The following MGA variants were observed in gnomAD, a reference collection of about 807,000 sequenced individuals.
MGA encodes MAX gene-associated protein.
Under a neutral mutation model 261.1 loss-of-function variants are expected in MGA, and 40 were observed. The observed-to-expected ratio is 0.15, with a 90% confidence interval of 0.12 to 0.20. The LOEUF is 0.20. Ranked by LOEUF, MGA falls within the 10% of genes least tolerant of loss-of-function variation. MGA has a pLI of 1.00. For synonymous variants in MGA, 1,302 were observed against 1,290.6 expected (o/e 1.01, Z -0.19); for missense variants, 3,397 against 3,630.5 (o/e 0.94, Z 1.65).
intron 12 of MGA, among the ~76,000 whole-genome samples, chr15:41,735,741 A>AG (rs2061743979): frequency 6.6e-6 from 1 of 152,214 alleles, no homozygotes; most frequent in Non-Finnish European, 1.5e-5. Flanking sequence ...TCAAAAAAAA[A>AG]AAAAAATCAG....
rs372725758 is a variant in MGA, at chr15:41,708,332, G to A, written c.2425+124G>A. On this transcript the variant is annotated intron_variant, in intron 7 of 23. Transcript: ENST00000219905. The stretch of plus-strand genomic sequence containing the variant: ...CCATGGGTTTTTTGTTGTTGTTGTT[G>A]TTGAGACTGAGTTTTGCTCTTGTTG... 23 of 747,670 alleles carry A rather than the reference G, an allele frequency of 3.1e-5. No homozygotes were observed. In the African/African-American group the frequency reaches 3.4e-4, roughly 11 times the overall value. 46.3% of individuals were successfully genotyped at this position (747,670 alleles called of 1,614,324 possible). A position where few individuals can be genotyped will look rare whatever the true frequency, so the allele number is the denominator to read the frequency against.
At position 41,766,384 on chromosome 15, in the gene MGA, G is replaced by A. The variant is rs749386304; in HGVS notation, c.8302G>A (p.Val2768Met). The A allele has an allele frequency of 3.7e-6, 6 of 1,613,878 alleles. No homozygotes were observed. The East Asian group carries it at 1.1e-4, about 30-fold the overall frequency. ...AGAGAGTGAATCAAGAGGGGAGAGA[G>A]TGAAGTCAAAGGATTCTTCATTTCA... is the stretch of plus-strand genomic sequence containing the variant. Residue 2768 changes from valine to methionine, a missense_variant, in exon 24 of 24, where the codon GTG (valine) becomes ATG (methionine). Transcript: ENST00000219905.
At chr15:41,679,015 A>G (rs7178205) in intron 2 of MGA, among the ~76,000 whole-genome samples, 119,158 of 152,144 alleles carry the variant, frequency 0.78, 47,184 homozygotes, top group East Asian at 0.89. Flanking sequence ...TGCTATTTAA[A>G]GCCCCTTGAG....
chr15:41,721,702 A>G (rs1173312377), intron 9 of MGA, among the ~76,000 whole-genome samples: 1 of 152,208 alleles, frequency 6.6e-6, no homozygotes, highest in Non-Finnish European at 1.5e-5. Context: ...AGCCTCTACT[A>G]ATACCAACTA....
chr15:41,681,414 T>TA (rs1555410751), intron 2 of MGA, among the ~76,000 whole-genome samples: 61 of 151,658 alleles, frequency 4.0e-4, no homozygotes, highest in Non-Finnish European at 6.9e-4. Flanking sequence ...TTTTTTTTTT[T>TA]AATTCTGTTA....
At position 41,736,429 on chromosome 15, in the gene MGA, C is replaced by A. The variant is rs2061779522; in HGVS notation, c.4165C>A (p.Pro1389Thr). 4 of 1,613,902 alleles carry A rather than the reference C, an allele frequency of 2.5e-6. No individual in the cohort carries two copies. In the African/African-American group the frequency reaches 5.3e-5, roughly 22 times the overall value. ...AAAGAGCCGGGGTGAGAAGAACCCT[C>A]CTGTTTATTCTTCTCGTGTGAAAAT... Residue 1389 changes from proline to threonine, a missense_variant, in exon 13 of 24, where the codon CCT (proline) becomes ACT (threonine). By Grantham distance (38) the Pro-to-Thr change is conservative. Transcript: ENST00000219905.
At chr15:41,675,630 G>C (rs1259005684) in intron 2 of MGA, among the ~76,000 whole-genome samples, 2 of 152,164 alleles carry the variant, frequency 1.3e-5, no homozygotes, top group African/African-American at 2.4e-5. Context: ...TCCTACCTCA[G>C]CCTCTGAAAT....
At chr15:41,714,602 C>G (rs2151516371) in intron 9 of MGA, among the ~76,000 whole-genome samples, 1 of 152,292 alleles carries the variant, frequency 6.6e-6, no homozygotes, top group African/African-American at 2.4e-5. Flanking sequence ...CTCCTGGGTT[C>G]AAATGATTTT....
At chr15:41,697,272 A>G (rs1338261506) in intron 3 of MGA, among the ~76,000 whole-genome samples, 1 of 152,144 alleles carries the variant, frequency 6.6e-6, no homozygotes, top group African/African-American at 2.4e-5. Flanking sequence ...ATTTTTGCAT[A>G]GCTGTGTTTA....
chr15:41,708,329 G>A, intron 7 of MGA, 121 bp downstream of exon 7: 1 of 766,124 alleles, frequency 1.3e-6, no homozygotes, highest in Non-Finnish European at 2.1e-6. Flanking sequence ...TGTTGTTGTT[G>A]TTGTTGAGAC....
intron 20 of MGA, among the ~76,000 whole-genome samples, chr15:41,761,219 T>C (rs2063437672): frequency 6.6e-6 from 1 of 152,270 alleles, no homozygotes; most frequent in African/African-American, 2.4e-5. Flanking sequence ...GCATAAGTGA[T>C]ATTTTAATAT....
chr15:41,767,941 G>A lies in MGA; in HGVS notation c.*661G>A, dbSNP rs2063879218. ...TTTAACTTTTATTATTAATTATTTT[G>A]AGATCTTAAAAAAATAGTAGTTCTC... On this transcript the variant is annotated 3_prime_UTR_variant, in exon 24 of 24. Transcript: ENST00000219905. 6.6e-6 allele frequency: 1 copy of A among 152,262 alleles called. No homozygotes were observed. Among genetic ancestry groups the A allele is most frequent in the South Asian group, 2.1e-4 (1 of 4,806 alleles). 9.4% of individuals were successfully genotyped at this position (152,262 alleles called of 1,614,324 possible). A position where few individuals can be genotyped will look rare whatever the true frequency, so the allele number is the denominator to read the frequency against.
chr15:41,626,526 G>T (rs560020013), intron 1 of MGA, among the ~76,000 whole-genome samples: 2 of 152,180 alleles, frequency 1.3e-5, no homozygotes, highest in South Asian at 2.1e-4. Flanking sequence ...GGGTTCAAGT[G>T]ATTCTCCTGC....
At chr15:41,727,135 T>G (rs552325542) in intron 9 of MGA, 45 bp from the exon 10 acceptor site, 4 of 1,506,644 alleles carry the variant, frequency 2.7e-6, no homozygotes, top group Admixed American at 2.1e-5. Flanking sequence ...TATTGATCTT[T>G]TGTTGCCAAA....
At chr15:41,758,146 C>T (rs2063250650) in intron 19 of MGA, among the ~76,000 whole-genome samples, 1 of 152,032 alleles carries the variant, frequency 6.6e-6, no homozygotes, top group African/African-American at 2.4e-5. Context: ...AACAAGGTGC[C>T]ATTCTTTCTT....
chr15:41,741,620 G>T (rs1474173747), intron 14 of MGA, among the ~76,000 whole-genome samples: 2 of 152,138 alleles, frequency 1.3e-5, no homozygotes, highest in Non-Finnish European at 2.9e-5. Context: ...ATTAGGTGAT[G>T]AAGTTTTTGC....
At chr15:41,635,072 G>T (rs141120510) in intron 1 of MGA, among the ~76,000 whole-genome samples, 3 of 151,982 alleles carry the variant, frequency 2.0e-5, no homozygotes, top group African/African-American at 4.8e-5. Context: ...GGTGGCTCAC[G>T]TGTGTAATCC....
intron 1 of MGA, among the ~76,000 whole-genome samples, chr15:41,629,548 G>C (rs1175840191): frequency 1.3e-5 from 2 of 151,946 alleles, no homozygotes; most frequent in East Asian, 1.9e-4. Context: ...CTGCAACATA[G>C]TGAGACCTTG....
rs1403553061 is a variant in MGA at position 41,750,160 on chromosome 15, A to C, written c.6553A>C (p.Lys2185Gln). Reference sequence around the variant, plus strand: ...ACATCTGAAGGGCCCCTTAACCAGGAAATGTGTTGGAGCTTCACAGGAATG... The same window carrying C: ...ACATCTGAAGGGCCCCTTAACCAGGCAATGTGTTGGAGCTTCACAGGAATG... Residue 2185 changes from lysine to glutamine, a missense_variant, in exon 17 of 24, where the codon AAA becomes CAA. By Grantham distance (53) the Lys-to-Gln change is moderately conservative. Around this residue, in one of 9 missense-constraint regions of MGA, gnomAD observed 1,410 missense variants for 1,386.4 expected, o/e 1.02. Transcript: ENST00000219905. 1 of 1,613,982 alleles carries C rather than the reference A, an allele frequency of 6.2e-7. No individual in the cohort carries two copies. Among genetic ancestry groups the C allele is most frequent in the South Asian group, 1.1e-5 (1 of 91,082 alleles).
Sources: gnomAD v4.1 joint callset for allele counts (sites outside exome capture counted in the v4.1 genomes callset) on GRCh38, gnomAD v4.1.1 for gene constraint, gnomAD v4.1.1 regional missense constraint, MANE v1.5 for transcripts, NCBI Gene and HGNC (gene_info 2026-07-23, HGNC 2026-07-21) for gene names.